Variants in CCDC33 observed in about 807,000 individuals in gnomAD.
The protein encoded by CCDC33 is coiled-coil domain-containing protein 33.
A neutral mutation model predicts 91.9 loss-of-function variants in CCDC33; 94 were observed. The ratio of observed to expected loss-of-function variants is 1.02; its 90% confidence interval spans 0.87 to 1.21. CCDC33 has a LOEUF of 1.21. CCDC33 is among the 50% of genes most tolerant of loss of function. The probability of loss-of-function intolerance (pLI) is 0.00; values close to 1 mark genes in which losing one functional copy is unlikely to be tolerated. For missense variants in CCDC33, 940 were observed against 935.5 expected, an observed-to-expected ratio of 1.00 and a Z score of -0.06; for synonymous variants, 396 against 374.5, an observed-to-expected ratio of 1.06 and a Z score of -0.66.
At chr15:74,289,188 A>G (rs1270404672) in intron 10 of CCDC33, among the ~76,000 whole-genome samples, 1 of 152,180 alleles carries the variant, frequency 6.6e-6, no homozygotes, top group Non-Finnish European at 1.5e-5. Flanking sequence ...CTGAAGATAA[A>G]CATCGCCAGC....
chr15:74,327,354 G>A (rs1023953041), intron 11 of CCDC33, among the ~76,000 whole-genome samples: 4 of 152,202 alleles, frequency 2.6e-5, no homozygotes, highest in African/African-American at 4.8e-5. Flanking sequence ...AGAGCTCTGG[G>A]CCAGGTGCGG....
chr15:74,262,852 T>C (rs395887), intron 3 of CCDC33, among the ~76,000 whole-genome samples: 150,862 of 152,312 alleles, frequency 0.99, 74,738 homozygotes, highest in East Asian at 1. Flanking sequence ...TTATTAGCGC[T>C]GTCTCCTACT....
chr15:74,268,525 C>A (rs1033240596), intron 5 of CCDC33, 67 bp downstream of exon 5: 1 of 1,233,556 alleles, frequency 8.1e-7, no homozygotes. Flanking sequence ...GAGCAGGCCC[C>A]ACGCCTTGCC....
intron 7 of CCDC33, among the ~76,000 whole-genome samples, chr15:74,273,171 A>G (rs1401190244): frequency 6.6e-6 from 1 of 152,276 alleles, no homozygotes; most frequent in Non-Finnish European, 1.5e-5. Flanking sequence ...CAGGGCTATC[A>G]CATCAGAGGA....
chr15:74,274,833 G>A (rs565152670), intron 7 of CCDC33, among the ~76,000 whole-genome samples: 1 of 152,354 alleles, frequency 6.6e-6, no homozygotes, highest in East Asian at 1.9e-4. Context: ...TTTTGCATGT[G>A]TGGGACCCGG....
In CCDC33 at chr15:74,236,543, G is replaced by A; in HGVS notation, c.-177G>A. The A allele has an allele frequency of 3.7e-6, 1 of 267,104 alleles. No homozygotes were observed. The allele number at this position is 267,104 out of a possible 1,614,324, so 16.5% of individuals were successfully genotyped here. A position where few individuals can be genotyped will look rare whatever the true frequency, so the allele number is the denominator to read the frequency against. On this transcript the variant is annotated 5_prime_UTR_variant, in exon 1 of 19. Transcript: ENST00000398814. ...CCCCTCCCCCCACATCCAGGCCCCA[G>A]GGCTGGTGTGTGGCACCCCTGAGAC...
At chr15:74,280,637 G>A in intron 8 of CCDC33, 31 bp from the exon 9 acceptor site, 2 of 1,435,484 alleles carry the variant, frequency 1.4e-6, no homozygotes, top group Non-Finnish European at 1.8e-6. Context: ...GGGGGCTTTG[G>A]CAGGAGCCCT....
At chr15:74,242,523 C>T (rs187496998) in intron 1 of CCDC33, among the ~76,000 whole-genome samples, 6 of 152,320 alleles carry the variant, frequency 3.9e-5, no homozygotes, top group African/African-American at 1.4e-4. Flanking sequence ...AACAGCCTGC[C>T]AGTGGCCCCT....
At chr15:74,258,894 C>T (rs1387092785) in intron 2 of CCDC33, among the ~76,000 whole-genome samples, 1 of 152,128 alleles carries the variant, frequency 6.6e-6, no homozygotes, top group Non-Finnish European at 1.5e-5. Context: ...TGAGCCTGGC[C>T]CCCTTACACC....
intron 11 of CCDC33, among the ~76,000 whole-genome samples, chr15:74,306,054 G>A (rs924811219): frequency 1.3e-5 from 2 of 152,172 alleles, no homozygotes; most frequent in African/African-American, 4.8e-5. Flanking sequence ...TTGTGTTCAT[G>A]GGATCCCTCG....
At chr15:74,215,071 A>G (rs928637033), upstream of CCDC33, among the ~76,000 whole-genome samples, 5 of 152,140 alleles carry the variant, frequency 3.3e-5, no homozygotes, top group African/African-American at 9.7e-5. Context: ...GCAAAATGGG[A>G]TGGAGGAGGG....
At chr15:74,318,779 G>C (rs1029356044) in intron 11 of CCDC33, 1 of 655,196 alleles carries the variant, frequency 1.5e-6, no homozygotes, top group Non-Finnish European at 2.8e-6. Context: ...TAAGTGGGAG[G>C]CAGGGTGGAG....
At chr15:74,278,285 G>T (rs2076502045) in intron 7 of CCDC33, among the ~76,000 whole-genome samples, 1 of 152,208 alleles carries the variant, frequency 6.6e-6, no homozygotes. Context: ...TGGGGAAGTG[G>T]ACCTACACTG....
chr15:74,213,819 A>G (rs1245062901), upstream of CCDC33, among the ~76,000 whole-genome samples: 1 of 152,190 alleles, frequency 6.6e-6, no homozygotes, highest in Non-Finnish European at 1.5e-5. Context: ...AGGCTGCTGC[A>G]GGGGGCTGGG....
upstream of CCDC33, among the ~76,000 whole-genome samples, chr15:74,216,007 C>T (rs2074438537): frequency 6.6e-6 from 1 of 152,108 alleles, no homozygotes; most frequent in Non-Finnish European, 1.5e-5. Context: ...GAGCGTGGGC[C>T]CTGCTTGCAG....
At chr15:74,275,963 C>G (rs1048245996) in intron 7 of CCDC33, among the ~76,000 whole-genome samples, 1 of 152,212 alleles carries the variant, frequency 6.6e-6, no homozygotes, top group Non-Finnish European at 1.5e-5. Context: ...GGCACCGCAC[C>G]CAGCAGCACC....
rs368483325 is a variant in CCDC33 at position 74,280,079 on chromosome 15, C to G, written c.876C>G (p.Tyr292Ter). 4 of 1,613,944 alleles carry G rather than the reference C, an allele frequency of 2.5e-6. No individual in the cohort carries two copies. In the African/African-American group the frequency reaches 5.3e-5, roughly 22 times the overall value. The stretch of plus-strand genomic sequence containing the variant: ...ACACAGCCCTGGTGCTGGAGTACTA[C>G]TCCTCAACTTCAAGTACGTGACCCC... Reference protein sequence around the residue: ...SEDTALVLEYYSSTSMKGSQP... With the variant: ...SEDTALVLEY The change falls in exon 8 of 19, where the codon TAC becomes TAG. Residue 292 changes from tyrosine (Y) to a stop codon, truncating the protein, a stop_gained. Coordinates refer to ENST00000398814, the MANE Select transcript of CCDC33 (RefSeq NM_025055.5). LOFTEE classifies it high-confidence loss of function.
At chr15:74,277,582 G>A (rs1045379618) in intron 7 of CCDC33, among the ~76,000 whole-genome samples, 4 of 152,094 alleles carry the variant, frequency 2.6e-5, no homozygotes, top group South Asian at 2.1e-4. Context: ...GCCTCTCCCC[G>A]CCCCCATCCT....
rs538890479 is a variant in CCDC33, at chr15:74,332,990, T to C, written c.1938+145T>C. ...GCCTGGGGGCTCCTGGAATCAGCTC[T>C]CAGGCCTTGGTCTTTTTCTCCTGCG... On this transcript the variant is annotated intron_variant, in intron 16 of 18. Transcript: ENST00000398814. 37 of 968,698 alleles carry C rather than the reference T, an allele frequency of 3.8e-5. No individual in the cohort carries two copies. In the South Asian group the frequency reaches 4.6e-4, roughly 12 times the overall value. 60.0% of individuals were successfully genotyped at this position (968,698 alleles called of 1,614,324 possible).
Sources: allele counts gnomAD v4.1 joint callset (sites outside exome capture counted in the v4.1 genomes callset), GRCh38; gene constraint gnomAD v4.1.1; transcripts MANE v1.5; gene names NCBI Gene and HGNC (gene_info 2026-07-23, HGNC 2026-07-21).